BIRC6: variants seen among roughly 807,000 people sequenced by gnomAD.
The protein encoded by BIRC6 is baculoviral IAP repeat containing 6, also known as dual E2 ubiquitin-conjugating enzyme/E3 ubiquitin-protein ligase BIRC6.
A neutral mutation model predicts 503.3 loss-of-function variants in BIRC6; 98 were observed. The ratio of observed to expected loss-of-function variants is 0.19; its 90% CI spans 0.17 to 0.23. BIRC6 has a LOEUF of 0.23. Among genes scored for constraint, BIRC6 ranks in the 10% least tolerant of loss-of-function variants. The probability of loss-of-function intolerance (pLI) is 1.00; values close to 1 mark genes in which losing one functional copy is unlikely to be tolerated. For missense variants in BIRC6, 5,360 were observed against 5,806.0 expected, an observed-to-expected ratio of 0.92 and a Z score of 2.50; for synonymous variants, 2,240 against 2,078.7, an observed-to-expected ratio of 1.08 and a Z score of -2.11.
At chr2:32,522,605 A>G (rs527646542) in intron 57 of BIRC6, 1 of 152,202 alleles carries the variant, frequency 6.6e-6, no homozygotes, top group Non-Finnish European at 1.5e-5. Context: ...AATAGAATTA[A>G]GGTACCAGGT....
intron 63 of BIRC6, among the ~76,000 whole-genome samples, chr2:32,547,380 G>A (rs541161497): frequency 9.0e-4 from 137 of 152,012 alleles, no homozygotes; most frequent in Admixed American, 2.8e-3. Context: ...CCTTCCCCCA[G>A]CCCCTGGCAA....
At chr2:32,546,730 A>T (rs1050425549) in intron 63 of BIRC6, among the ~76,000 whole-genome samples, 11 of 152,216 alleles carry the variant, frequency 7.2e-5, no homozygotes, top group Admixed American at 5.9e-4. Context: ...TTAGAATAGT[A>T]CCAAAAATAG....
At chr2:32,432,888 T>G (rs1558707912) in intron 12 of BIRC6, among the ~76,000 whole-genome samples, 1 of 152,070 alleles carries the variant, frequency 6.6e-6, no homozygotes, top group Non-Finnish European at 1.5e-5. Flanking sequence ...AGAATGATGG[T>G]TGTGGTGGGG....
In BIRC6 at chr2:32,503,256, A is replaced by G. The variant is rs768724819; in HGVS notation, c.9499+20A>G. The G allele has an allele frequency of 7.0e-6, 11 of 1,566,990 alleles. No homozygotes were observed. The highest frequency in any genetic ancestry group is 7.8e-6 in the Non-Finnish European group (9 of 1,157,152). ...CCCTCGGTAAGAAAAGTGTTACTAA[A>G]TCTTACTTATGTGAAATTATCTAGT... On this transcript the variant is annotated intron_variant, in intron 49 of 73. Transcript: ENST00000421745.
intron 23 of BIRC6, 132 bp downstream of exon 23, chr2:32,454,074 G>A (rs1053633718): frequency 5.5e-6 from 4 of 720,794 alleles, no homozygotes; most frequent in Non-Finnish European, 8.4e-6. Flanking sequence ...TTGTGGGAGG[G>A]GCATTTGGGG....
At chr2:32,579,025 C>CA (rs2060483505) in intron 66 of BIRC6, among the ~76,000 whole-genome samples, 4 of 93,472 alleles carry the variant, frequency 4.3e-5, no homozygotes, top group Admixed American at 1.1e-4. Flanking sequence ...TATATATATA[C>CA]CTAATATATA....
At chr2:32,566,632 C>T (rs2059552168) in intron 65 of BIRC6, among the ~76,000 whole-genome samples, 1 of 152,298 alleles carries the variant, frequency 6.6e-6, no homozygotes, top group South Asian at 2.1e-4. Flanking sequence ...GGATTATAGG[C>T]ATGAGCCACT....
chr2:32,605,957 C>T (rs1393675190), intron 71 of BIRC6, among the ~76,000 whole-genome samples: 1 of 152,130 alleles, frequency 6.6e-6, no homozygotes, highest in African/African-American at 2.4e-5. Flanking sequence ...TCAGTATGGT[C>T]ACTTTCTATT....
chr2:32,490,491 C>T lies in BIRC6; in HGVS notation c.8206+340C>T, dbSNP rs751294404. ...CGAAGTTTGCAGTGAGCTTAGATCA[C>T]GCCACTGCACACCAGCCTAGGTGAC... On this transcript the variant is annotated intron_variant, in intron 43 of 73. Coordinates refer to ENST00000421745, the MANE Select transcript of BIRC6 (RefSeq NM_016252.4). 6.6e-5 allele frequency among the ~76,000 whole-genome samples: 10 copies of T among 152,252 alleles called. No individual in the cohort carries two copies. In the East Asian group the frequency reaches 1.2e-3, roughly 18 times the overall value.
At chr2:32,569,855 TC>T (rs1274420765) in intron 65 of BIRC6, among the ~76,000 whole-genome samples, 1 of 152,158 alleles carries the variant, frequency 6.6e-6, no homozygotes, top group African/African-American at 2.4e-5. Flanking sequence ...GTTTTCTAGA[TC>T]ATATCCTCAG....
intron 66 of BIRC6, among the ~76,000 whole-genome samples, chr2:32,575,608 C>G (rs1204997775): frequency 6.6e-6 from 1 of 151,694 alleles, no homozygotes; most frequent in African/African-American, 2.4e-5. Flanking sequence ...ACTAAAAATA[C>G]CAAAAAATTA....
At chr2:32,496,035 G>T (rs2052422577) in intron 45 of BIRC6, among the ~76,000 whole-genome samples, 1 of 151,840 alleles carries the variant, frequency 6.6e-6, no homozygotes, top group Non-Finnish European at 1.5e-5. Flanking sequence ...TAGAGACGGG[G>T]TTTCACCGTG....
intron 65 of BIRC6, chr2:32,564,174 TC>T (rs1431121515): frequency 2.6e-5 from 4 of 152,238 alleles, no homozygotes; most frequent in Admixed American, 6.5e-5. Flanking sequence ...CTACTTTCTA[TC>T]CTTATATAGA....
intron 68 of BIRC6, among the ~76,000 whole-genome samples, chr2:32,597,202 G>A (rs2061730092): frequency 6.6e-6 from 1 of 152,178 alleles, no homozygotes; most frequent in African/African-American, 2.4e-5. Context: ...GCTGCCATTT[G>A]TTTAACCAGT....
rs1265740091 is a variant in BIRC6 at position 32,503,253 on chromosome 2, TAA to T, written c.9499+19_9499+20del. On this transcript the variant is annotated intron_variant, in intron 49 of 73. Transcript: ENST00000421745. The stretch of plus-strand genomic sequence containing the variant: ...CACCCCTCGGTAAGAAAAGTGTTAC[TAA>T]ATCTTACTTATGTGAAATTATCTAG... 1 of 1,572,690 alleles carries T rather than the reference TAA, an allele frequency of 6.4e-7. No individual in the cohort carries two copies. The highest frequency in any genetic ancestry group is 2.2e-5 in the East Asian group (1 of 44,484).
chr2:32,450,868 T>C (rs2046634183), intron 22 of BIRC6, among the ~76,000 whole-genome samples: 1 of 152,238 alleles, frequency 6.6e-6, no homozygotes, highest in African/African-American at 2.4e-5. Flanking sequence ...GAGTACTTCT[T>C]ATACTGTATT....
intron 1 of BIRC6, among the ~76,000 whole-genome samples, chr2:32,375,089 G>C (rs1013337531): frequency 6.6e-6 from 1 of 152,150 alleles, no homozygotes. Context: ...GTCTAAGTAT[G>C]TTTTAGAGCT....
Position 32,603,048 on chromosome 2 carries a change from G to A in BIRC6, c.14035G>A (p.Glu4679Lys). 6.2e-7 allele frequency: 1 copy of A among 1,612,116 alleles called. No homozygotes were observed. The highest frequency in any genetic ancestry group is 8.5e-7 in the Non-Finnish European group (1 of 1,179,290). ...ILNTWHGRPEEKWNPQTSSFL... is the reference protein window; with the variant it reads ...ILNTWHGRPEKKWNPQTSSFL... Reference sequence around the variant, plus strand: ...AAACACGTGGCATGGAAGACCAGAAGAGAAGTGGAATCCTCAGACCTCAAG... The same window carrying A: ...AAACACGTGGCATGGAAGACCAGAAAAGAAGTGGAATCCTCAGACCTCAAG... The change falls in exon 71 of 74, where the codon GAG becomes AAG. Residue 4679 changes from glutamate to lysine, a missense_variant. Glu to Lys is a moderately conservative substitution (Grantham distance 56). Coordinates refer to ENST00000421745, the MANE Select transcript of BIRC6 (RefSeq NM_016252.4).
At position 32,508,959 on chromosome 2, in the gene BIRC6, C is replaced by T. The variant is rs538384524; in HGVS notation, c.9980+700C>T. Reference sequence around the variant, plus strand: ...ATTAGCCGGGCATGGCGGTGTGCTGCTTGGGAGGCTGAGGCAGGAGAATCG... The same window carrying T: ...ATTAGCCGGGCATGGCGGTGTGCTGTTTGGGAGGCTGAGGCAGGAGAATCG... On this transcript the variant is annotated intron_variant, in intron 51 of 73. Transcript: ENST00000421745. Among the ~76,000 whole-genome samples the T allele has an allele frequency of 3.3e-5, 5 of 151,874 alleles. No individual in the cohort carries two copies. In the South Asian group the frequency reaches 8.3e-4, roughly 25 times the overall value.
Sources: allele counts gnomAD v4.1 joint callset (sites outside exome capture counted in the v4.1 genomes callset), GRCh38; gene constraint gnomAD v4.1.1; transcripts MANE v1.5; gene names NCBI Gene and HGNC (gene_info 2026-07-23, HGNC 2026-07-21).